NCALD: variants seen among roughly 807,000 people sequenced by gnomAD.
The protein encoded by NCALD is neurocalcin delta.
In NCALD, 10 loss-of-function variants were observed where a neutral mutation model predicts 18.6. The observed-to-expected ratio is 0.54, with a 90% CI of 0.33 to 0.91. The LOEUF is 0.91. NCALD is among the 40% of genes least tolerant of loss of function. NCALD has a pLI of 0.03. For missense variants in NCALD, 184 were observed against 247.6 expected (o/e 0.74, Z 1.72); for synonymous variants, 88 against 87.4 (o/e 1.01, Z -0.04).
chr8:101,986,178 G>A (rs866373577), intron 2 of NCALD, among the ~76,000 whole-genome samples: 22 of 152,134 alleles, frequency 1.4e-4, no homozygotes, highest in African/African-American at 5.1e-4. Context: ...TTACAGGCAG[G>A]TGCCACCATG....
intron 4 of NCALD, among the ~76,000 whole-genome samples, chr8:101,810,881 TA>T (rs1813281122): frequency 6.6e-6 from 1 of 152,090 alleles, no homozygotes. Context: ...ATCAAATATA[TA>T]AAAATCCTAA....
intron 1 of NCALD, among the ~76,000 whole-genome samples, chr8:101,752,536 C>A (rs1163107615): frequency 6.6e-6 from 1 of 152,186 alleles, no homozygotes; most frequent in Non-Finnish European, 1.5e-5. Flanking sequence ...TTGGAACACA[C>A]AAAAGATAAC....
At chr8:101,808,227 A>G (rs997331307) in intron 4 of NCALD, among the ~76,000 whole-genome samples, 3 of 152,156 alleles carry the variant, frequency 2.0e-5, no homozygotes, top group African/African-American at 7.2e-5. Flanking sequence ...AAGGAGTAGT[A>G]AGCACCTGCT....
chr8:101,898,382 G>A (rs1379765435), intron 3 of NCALD, among the ~76,000 whole-genome samples: 1 of 151,612 alleles, frequency 6.6e-6, no homozygotes, highest in Non-Finnish European at 1.5e-5. Flanking sequence ...TTGGATTTTT[G>A]TTTTTTTAAA....
chr8:101,767,885 G>A (rs1237104202), intron 1 of NCALD, among the ~76,000 whole-genome samples: 1 of 152,186 alleles, frequency 6.6e-6, no homozygotes, highest in Non-Finnish European at 1.5e-5. Context: ...TTCTCTGCAG[G>A]TTAGAGCAAG....
At chr8:102,081,548 A>T (rs1182718779) in intron 1 of NCALD, among the ~76,000 whole-genome samples, 28 of 34,446 alleles carry the variant, frequency 8.1e-4, no homozygotes, top group Non-Finnish European at 1.0e-3. Flanking sequence ...ATAATGGTAA[A>T]AAAAAAAAAA....
chr8:101,721,192 C>T (rs920757264), intron 1 of NCALD: 1 of 152,006 alleles, frequency 6.6e-6, no homozygotes, highest in Non-Finnish European at 1.5e-5. Flanking sequence ...GAAAGCAAAG[C>T]TTAGAAAAAT....
intron 3 of NCALD, among the ~76,000 whole-genome samples, chr8:101,911,014 C>G (rs1817775835): frequency 6.6e-6 from 1 of 152,192 alleles, no homozygotes; most frequent in Non-Finnish European, 1.5e-5. Flanking sequence ...TTACTCTAAT[C>G]TACTTCCTAT....
intron 4 of NCALD, among the ~76,000 whole-genome samples, chr8:101,851,724 C>T (rs1367686773): frequency 6.6e-6 from 1 of 152,096 alleles, no homozygotes; most frequent in East Asian, 1.9e-4. Flanking sequence ...TAGCATTGAT[C>T]ACACCAGGCA....
intron 1 of NCALD, among the ~76,000 whole-genome samples, chr8:102,101,169 G>T (rs976960516): frequency 1.3e-5 from 2 of 152,222 alleles, no homozygotes; most frequent in African/African-American, 4.8e-5. Context: ...AGACAGAAGG[G>T]TGAGGACCAG....
intron 2 of NCALD, among the ~76,000 whole-genome samples, chr8:101,980,149 A>G (rs1820564229): frequency 6.6e-6 from 1 of 152,234 alleles, no homozygotes; most frequent in South Asian, 2.1e-4. Flanking sequence ...TAGTGCCTAC[A>G]GCACTCAGAC....
At chr8:102,015,013 A>G (rs1312361027) in intron 2 of NCALD, among the ~76,000 whole-genome samples, 2 of 152,138 alleles carry the variant, frequency 1.3e-5, no homozygotes. Context: ...CATGGTTAAT[A>G]TAAGCAAGCT....
At chr8:101,897,438 G>A (rs1256141906) in intron 3 of NCALD, among the ~76,000 whole-genome samples, 2 of 149,908 alleles carry the variant, frequency 1.3e-5, no homozygotes, top group Non-Finnish European at 3.0e-5. Flanking sequence ...AGTGGGTGCA[G>A]TGCACCAGCA....
At chr8:101,956,754 A>C (rs1477296192) in intron 2 of NCALD, among the ~76,000 whole-genome samples, 2 of 152,156 alleles carry the variant, frequency 1.3e-5, no homozygotes, top group Non-Finnish European at 2.9e-5. Context: ...CACAAAACTG[A>C]GTAAGAAAAA....
At chr8:101,877,135 G>C (rs1248548926) in intron 4 of NCALD, among the ~76,000 whole-genome samples, 1 of 152,202 alleles carries the variant, frequency 6.6e-6, no homozygotes, top group East Asian at 1.9e-4. Context: ...CTAGAAACCT[G>C]TGAATTTTAA....
intron 3 of NCALD, among the ~76,000 whole-genome samples, chr8:101,908,473 T>A (rs1049234990): frequency 1.3e-5 from 2 of 152,220 alleles, no homozygotes; most frequent in African/African-American, 4.8e-5. Flanking sequence ...CAAACCACAA[T>A]ATTTCCATCT....
chr8:101,721,576 G>A (rs1214397257), intron 1 of NCALD, among the ~76,000 whole-genome samples: 1 of 152,158 alleles, frequency 6.6e-6, no homozygotes, highest in Admixed American at 6.5e-5. Flanking sequence ...TGAATTTAGT[G>A]AGGCCTGTCT....
intron 2 of NCALD, among the ~76,000 whole-genome samples, chr8:101,924,856 C>G (rs1818283352): frequency 6.6e-6 from 1 of 152,226 alleles, no homozygotes; most frequent in Non-Finnish European, 1.5e-5. Context: ...TAGTTCTTTC[C>G]ATTTTCATAA....
At chr8:101,935,783 C>CTTTT (rs35929551) in intron 2 of NCALD, among the ~76,000 whole-genome samples, 2 of 103,486 alleles carry the variant, frequency 1.9e-5, no homozygotes, top group African/African-American at 3.5e-5. Context: ...TCAAGAGATT[C>CTTTT]TTTTTTTTTT....
Sources: gnomAD v4.1 joint callset for allele counts (sites outside exome capture counted in the v4.1 genomes callset) on GRCh38, gnomAD v4.1.1 for gene constraint, MANE v1.5 for transcripts, NCBI Gene and HGNC (gene_info 2026-07-23, HGNC 2026-07-21) for gene names.